Variants in TMEM101 observed in about 807,000 individuals in gnomAD.
TMEM101 encodes the protein transmembrane protein 101.
A neutral mutation model predicts 26.0 loss-of-function variants in TMEM101; 14 were observed. That is an observed-to-expected ratio of 0.54 (90% CI 0.36 to 0.84). TMEM101 has a LOEUF of 0.84. Among genes scored for constraint, TMEM101 ranks in the 40% least tolerant of loss-of-function variants. The pLI is 0.01. For synonymous variants in TMEM101, 152 were observed against 145.1 expected, an observed-to-expected ratio of 1.05 and a Z score of -0.34; for missense variants, 292 against 345.1, an observed-to-expected ratio of 0.85 and a Z score of 1.22.
At chr17:44,019,640 C>T (rs1304694763), upstream of TMEM101, among the ~76,000 whole-genome samples, 2 of 152,210 alleles carry the variant, frequency 1.3e-5, no homozygotes, top group East Asian at 3.8e-4. Context: ...TGTTCCGGGA[C>T]TTGGTGACCA....
rs138622503 is a variant in TMEM101 at position 44,014,362 on chromosome 17, G to C, written c.313C>G (p.Leu105Val). 6.4e-7 allele frequency: 1 copy of C among 1,550,866 alleles called. No homozygotes were observed. The highest frequency in any genetic ancestry group is 8.7e-7 in the Non-Finnish European group (1 of 1,146,102). ...TTTGGGGCCGAGGCGCTCACCTTCA[G>C]CCAGTCCCCGTAGTGGACGTAGCCC... ...IGGYVHYGDW[L>V]KVRMYSRTVA... Residue 105 changes from leucine (L) to valine (V), a missense_variant, in exon 2 of 4, where the codon CTG becomes GTG. Transcript: ENST00000206380.
chr17:44,011,930 A>G lies in TMEM101; in HGVS notation c.772T>C (p.Ter258ArgextTer14). The G allele has an allele frequency of 6.2e-7, 1 of 1,603,198 alleles. No individual in the cohort carries two copies. The highest frequency in any genetic ancestry group is 8.5e-7 in the Non-Finnish European group (1 of 1,172,318). ...GTAVILATDG[*>R] Reference sequence around the variant, plus strand: ...ATCTCAGCCTCTTGCCATAAAACTCAGCCATCAGTGGCCAGGATGACAGCA... The same window carrying G: ...ATCTCAGCCTCTTGCCATAAAACTCGGCCATCAGTGGCCAGGATGACAGCA... The change falls in exon 4 of 4, where the codon TGA becomes CGA. Residue 258 changes from the stop codon to arginine (R), a stop_lost. Coordinates refer to ENST00000206380, the MANE Select transcript of TMEM101 (RefSeq NM_032376.4).
At position 44,013,031 on chromosome 17, in the gene TMEM101, AG is replaced by A; in HGVS notation, c.442del (p.Leu148TrpfsTer23). ...RSLQSTGQVF[L>X]GIYLICVAYS... The stretch of plus-strand genomic sequence containing the variant: ...TACCACACAGATGAGGTAGATACCC[AG>A]GAACACCTGGCCGGTGGACTGCAGG... On this transcript the variant is annotated frameshift_variant, in exon 3 of 4. Transcript: ENST00000206380. LOFTEE classifies it high-confidence loss of function. The A allele has an allele frequency of 6.2e-7, 1 of 1,605,974 alleles. No individual in the cohort carries two copies. Among genetic ancestry groups the A allele is most frequent in the Non-Finnish European group, 8.5e-7 (1 of 1,173,796 alleles).
intron 1 of TMEM101, among the ~76,000 whole-genome samples, chr17:44,022,517 T>G (rs2049294535): frequency 6.6e-6 from 1 of 152,258 alleles, no homozygotes; most frequent in Non-Finnish European, 1.5e-5. Context: ...ATTTCTCCTG[T>G]AGCAACCAGT....
At chr17:44,016,832 C>G (rs761243638), upstream of TMEM101, among the ~76,000 whole-genome samples, 6 of 152,102 alleles carry the variant, frequency 3.9e-5, no homozygotes, top group African/African-American at 1.4e-4. Flanking sequence ...ATGTGCTGTA[C>G]AGATAAATGA....
chr17:44,018,608 T>G (rs1215933495), upstream of TMEM101, among the ~76,000 whole-genome samples: 1 of 152,208 alleles, frequency 6.6e-6, no homozygotes, highest in African/African-American at 2.4e-5. Context: ...TGTACAGCCC[T>G]AAAGTGTTGA....
In TMEM101 at chr17:44,014,465, G is replaced by A. The variant is rs1451911393; in HGVS notation, c.210C>T (p.Ser70=). ...GAAVLCASFM[S]FGVKRRWFAL... ...CGAACCAGCGCCGCTTCACGCCAAA[G>A]GACATGAAACTAGCGCACAGCACGG... Residue 70 remains serine (S), a synonymous_variant, in exon 2 of 4, where the codon TCC becomes TCT. Coordinates refer to ENST00000206380, the MANE Select transcript of TMEM101 (RefSeq NM_032376.4). 2 of 1,563,196 alleles carry A rather than the reference G, an allele frequency of 1.3e-6. No individual in the cohort carries two copies. The highest frequency in any genetic ancestry group is 1.9e-5 in the Admixed American group (1 of 51,580).
chr17:44,016,090 G>A (rs1023561444), upstream of TMEM101, among the ~76,000 whole-genome samples: 10 of 150,706 alleles, frequency 6.6e-5, no homozygotes, highest in Non-Finnish European at 1.2e-4. Flanking sequence ...TTGGCACGGT[G>A]GCAATTAGAT....
chr17:44,018,620 G>A (rs1000959208), upstream of TMEM101, among the ~76,000 whole-genome samples: 4 of 152,112 alleles, frequency 2.6e-5, no homozygotes, highest in Non-Finnish European at 4.4e-5. Flanking sequence ...AAGTGTTGAC[G>A]AGGACCAGAA....
At chr17:44,021,669 C>T (rs1019613269) in intron 1 of TMEM101, among the ~76,000 whole-genome samples, 3 of 152,156 alleles carry the variant, frequency 2.0e-5, no homozygotes, top group African/African-American at 7.2e-5. Flanking sequence ...GCTTCGAGGA[C>T]GGCTACCAAT....
chr17:44,012,337 G>A, intron 3 of TMEM101, 101 bp from the exon 4 acceptor site: 1 of 1,118,874 alleles, frequency 8.9e-7, no homozygotes. Flanking sequence ...CCTGCAGATG[G>A]GCTTCTGACT....
chr17:44,019,272 C>G, upstream of TMEM101: 1 of 405,876 alleles, frequency 2.5e-6, no homozygotes, highest in South Asian at 1.8e-5. Context: ...GACTGGGAAG[C>G]AACAGCAACA....
upstream of TMEM101, among the ~76,000 whole-genome samples, chr17:44,017,727 C>T (rs1024231436): frequency 6.6e-6 from 1 of 150,628 alleles, no homozygotes; most frequent in African/African-American, 2.4e-5. Context: ...CGCGCCATTG[C>T]ACTCCAGCCT....
chr17:44,018,619 C>T (rs904130636), upstream of TMEM101, among the ~76,000 whole-genome samples: 14 of 152,152 alleles, frequency 9.2e-5, no homozygotes, highest in African/African-American at 2.7e-4. Context: ...AAAGTGTTGA[C>T]GAGGACCAGA....
chr17:44,015,829 C>A (rs1053117515), upstream of TMEM101, among the ~76,000 whole-genome samples: 1 of 152,178 alleles, frequency 6.6e-6, no homozygotes, highest in Non-Finnish European at 1.5e-5. Context: ...CTCAAAGTCA[C>A]CTCTTTGGGT....
upstream of TMEM101, among the ~76,000 whole-genome samples, chr17:44,016,770 G>A (rs961518182): frequency 3.3e-5 from 5 of 152,194 alleles, no homozygotes; most frequent in African/African-American, 1.2e-4. Flanking sequence ...GGAACCATCT[G>A]TAGTATACAG....
chr17:44,013,488 C>T (rs922335613), intron 2 of TMEM101, among the ~76,000 whole-genome samples: 2 of 152,094 alleles, frequency 1.3e-5, no homozygotes, highest in African/African-American at 4.8e-5. Flanking sequence ...TGAGGAAACC[C>T]TGTCTACTGA....
In TMEM101 at chr17:44,013,004, C is replaced by A; in HGVS notation, c.465+5G>T. The A allele has an allele frequency of 6.3e-7, 1 of 1,577,824 alleles. No individual in the cohort carries two copies. Among genetic ancestry groups the A allele is most frequent in the Non-Finnish European group, 8.7e-7 (1 of 1,154,490 alleles). On this transcript the variant is annotated splice_donor_5th_base_variant and intron_variant, in intron 3 of 3. Coordinates refer to ENST00000206380, the MANE Select transcript of TMEM101 (RefSeq NM_032376.4). ...GCACCTCCAACCAACAGTCCCCCAACATACCACACAGATGAGGTAGATACC... is the reference window on the plus strand; with the variant it reads ...GCACCTCCAACCAACAGTCCCCCAAAATACCACACAGATGAGGTAGATACC...
chr17:44,014,387 C>G lies in TMEM101; in HGVS notation c.288G>C (p.Gly96=), dbSNP rs748613260. 4.5e-6 allele frequency: 7 copies of G among 1,554,398 alleles called. No individual in the cohort carries two copies. Among genetic ancestry groups the G allele is most frequent in the Non-Finnish European group, 6.1e-6 (7 of 1,148,480 alleles). ...LAISTYAAYI[G]GYVHYGDWLK... Reference sequence around the variant, plus strand: ...GCCAGTCCCCGTAGTGGACGTAGCCCCCGATGTAGGCGGCGTAGGTGCTAA... The same window carrying G: ...GCCAGTCCCCGTAGTGGACGTAGCCGCCGATGTAGGCGGCGTAGGTGCTAA... The change falls in exon 2 of 4, where the codon GGG becomes GGC. Residue 96 remains glycine (G), a synonymous_variant. Transcript: ENST00000206380.
Sources: allele counts gnomAD v4.1 joint callset (sites outside exome capture counted in the v4.1 genomes callset), GRCh38; gene constraint gnomAD v4.1.1; transcripts MANE v1.5; gene names NCBI Gene and HGNC (gene_info 2026-07-23, HGNC 2026-07-21).